The following CELF2 variants were observed in gnomAD, a reference collection of about 807,000 sequenced individuals.
CELF2 encodes CUG triplet repeat RNA-binding protein 2.
A neutral mutation model predicts 62.6 loss-of-function variants in CELF2; 8 were observed. That is an observed-to-expected ratio of 0.13 (90% CI 0.07 to 0.23). The LOEUF is 0.23. Among genes scored for constraint, CELF2 ranks in the 10% least tolerant of loss-of-function variants. The pLI, the probability that CELF2 is intolerant of heterozygous loss-of-function variation, is 1.00. For synonymous variants in CELF2, 258 were observed against 250.0 expected (o/e 1.03, Z -0.30); for missense variants, 333 against 671.0 (o/e 0.50, Z 5.56).
chr10:10,988,409 C>A (rs2053056605), intron 2 of CELF2, among the ~76,000 whole-genome samples: 1 of 151,928 alleles, frequency 6.6e-6, no homozygotes, highest in Non-Finnish European at 1.5e-5. Flanking sequence ...TGAAGTAACT[C>A]AGGAATGGAA....
At chr10:10,662,960 T>G in the CELF2 span, among the ~76,000 whole-genome samples, 1 of 152,184 alleles carries the variant, frequency 6.6e-6, no homozygotes, top group Non-Finnish European at 1.5e-5. Flanking sequence ...TGAACTCCAC[T>G]GTTCTGAAGG....
At chr10:10,901,723 T>G (rs915898441) in intron 1 of CELF2, among the ~76,000 whole-genome samples, 5 of 152,086 alleles carry the variant, frequency 3.3e-5, no homozygotes, top group African/African-American at 4.8e-5. Flanking sequence ...AAAAAAGAAG[T>G]CACAGACTAG....
At chr10:11,099,291 T>C (rs2050776035) in intron 1 of CELF2, among the ~76,000 whole-genome samples, 1 of 152,220 alleles carries the variant, frequency 6.6e-6, no homozygotes, top group Non-Finnish European at 1.5e-5. Flanking sequence ...TACAGTGTGG[T>C]ACATCTGAGA....
intron 4 of CELF2, among the ~76,000 whole-genome samples, chr10:11,249,900 G>C (rs965867278): frequency 2.6e-5 from 4 of 152,132 alleles, no homozygotes; most frequent in African/African-American, 9.7e-5. Context: ...TTACTGAAAT[G>C]TATGTTAAAA....
At chr10:10,556,081 T>G in the CELF2 span, among the ~76,000 whole-genome samples, 1 of 152,206 alleles carries the variant, frequency 6.6e-6, no homozygotes, top group African/African-American at 2.4e-5. Flanking sequence ...GTGCACATTG[T>G]GCAGGTTAGT....
At chr10:10,935,738 T>C (rs1019407950) in intron 2 of CELF2, among the ~76,000 whole-genome samples, 3 of 152,224 alleles carry the variant, frequency 2.0e-5, no homozygotes, top group African/African-American at 7.2e-5. Context: ...TTTTAGGAAT[T>C]CTCATAATCC....
chr10:10,901,605 A>G (rs1662236183), intron 1 of CELF2, among the ~76,000 whole-genome samples: 1 of 152,222 alleles, frequency 6.6e-6, no homozygotes, highest in Non-Finnish European at 1.5e-5. Context: ...GAGTAGGCAA[A>G]GAGTTCCTAA....
intron 2 of CELF2, among the ~76,000 whole-genome samples, chr10:11,203,560 C>T (rs764924923): frequency 3.9e-5 from 6 of 152,182 alleles, no homozygotes; most frequent in Non-Finnish European, 7.3e-5. Context: ...CAGGCTTTAT[C>T]GGGAACCAGA....
intron 1 of CELF2, among the ~76,000 whole-genome samples, chr10:11,162,433 G>A (rs1407197669): frequency 1.3e-5 from 2 of 152,208 alleles, no homozygotes; most frequent in East Asian, 1.9e-4. Flanking sequence ...AGAACTTGAT[G>A]CAAATCTTTG....
intron 2 of CELF2, among the ~76,000 whole-genome samples, chr10:11,181,117 G>A (rs545427482): frequency 3.9e-4 from 60 of 152,242 alleles, no homozygotes; most frequent in Middle Eastern, 3.4e-3. Context: ...TGATCAGCCC[G>A]CCTTGGCCTC....
rs1457874462 is a variant in CELF2 at position 11,316,142 on chromosome 10, T to C, written c.1096+1884T>C. The stretch of plus-strand genomic sequence containing the variant: ...CATGAGTAGTTCTTGTGTGGGGTCT[T>C]GTGTGATACACATTTTGCTTCTGGC... On this transcript the variant is annotated intron_variant, in intron 10 of 12. Coordinates refer to ENST00000633077, the MANE Select transcript of CELF2 (RefSeq NM_001326342.2). This position sits in a 1 kb window ranked among gnomAD's most constrained non-coding sequence, Gnocchi z 4.4. Among the ~76,000 whole-genome samples, 2 of 152,270 alleles carry C rather than the reference T, an allele frequency of 1.3e-5. No homozygotes were observed. The highest frequency in any genetic ancestry group is 2.9e-5 in the Non-Finnish European group (2 of 68,052).
intron 1 of CELF2, among the ~76,000 whole-genome samples, chr10:10,891,300 T>G (rs1431579418): frequency 6.6e-6 from 1 of 152,104 alleles, no homozygotes; most frequent in Non-Finnish European, 1.5e-5. Context: ...CAACACTAAC[T>G]TAGCCTGATA....
At chr10:11,274,991 C>T (rs1420706552) in intron 7 of CELF2, 66 bp from the exon 8 acceptor site, 4 of 1,452,462 alleles carry the variant, frequency 2.8e-6, no homozygotes, top group Non-Finnish European at 2.9e-6. Context: ...GAATTTGTCC[C>T]CAGTTTAATG....
At chr10:10,629,861 C>CAAAAAAAAAAAAAAAAAAAAAAA in the CELF2 span, among the ~76,000 whole-genome samples, 2 of 12,342 alleles carry the variant, frequency 1.6e-4, 1 homozygote, top group Non-Finnish European at 2.9e-4. Context: ...GGCTGAAGAC[C>CAAAAAAAAAAAAAAAAAAAAAAA]AAAAAAAAAA....
chr10:11,180,240 C>T (rs2072841091), intron 2 of CELF2, among the ~76,000 whole-genome samples: 1 of 152,154 alleles, frequency 6.6e-6, no homozygotes, highest in Non-Finnish European at 1.5e-5. Context: ...TGCCACTTTC[C>T]CAGAAAGCGG....
intron 1 of CELF2, among the ~76,000 whole-genome samples, chr10:11,052,669 T>C (rs191049092): frequency 5.9e-5 from 9 of 152,386 alleles, no homozygotes; most frequent in Admixed American, 5.2e-4. Flanking sequence ...AACACATTTC[T>C]CTGACGGTAA....
intron 1 of CELF2, among the ~76,000 whole-genome samples, chr10:10,903,993 A>G (rs1300425040): frequency 1.3e-5 from 2 of 152,176 alleles, no homozygotes; most frequent in African/African-American, 4.8e-5. Context: ...GGAGGCACCC[A>G]GCACTCTGTG....
chr10:11,141,043 T>G (rs550725807), intron 1 of CELF2, among the ~76,000 whole-genome samples: 1 of 152,174 alleles, frequency 6.6e-6, no homozygotes, highest in Non-Finnish European at 1.5e-5. Flanking sequence ...TTGCTAACTT[T>G]TGTGTATTCG....
At chr10:10,858,925 T>G (rs2059905312) in intron 1 of CELF2, among the ~76,000 whole-genome samples, 2 of 152,180 alleles carry the variant, frequency 1.3e-5, no homozygotes, top group Non-Finnish European at 2.9e-5. Flanking sequence ...CAGGTATAAA[T>G]TAACACTAGG....
Sources: gnomAD v4.1 joint callset for allele counts (sites outside exome capture counted in the v4.1 genomes callset) on GRCh38, gnomAD v4.1.1 for gene constraint, Gnocchi (gnomAD v3.1) non-coding constraint, MANE v1.5 for transcripts, NCBI Gene and HGNC (gene_info 2026-07-23, HGNC 2026-07-21) for gene names.